The following NPAS3 variants were observed in gnomAD, a reference collection of about 807,000 sequenced individuals.
NPAS3 encodes neuronal PAS domain protein 3, also known as neuronal PAS domain-containing protein 3.
A neutral mutation model predicts 73.1 loss-of-function variants in NPAS3; 14 were observed. That is an observed-to-expected ratio of 0.19 (90% CI 0.13 to 0.30). The LOEUF is 0.30. Ranked by LOEUF, NPAS3 falls within the 10% of genes least tolerant of loss-of-function variation. NPAS3 has a pLI of 1.00. For synonymous variants in NPAS3, 620 were observed against 541.5 expected, an observed-to-expected ratio of 1.14 and a Z score of -2.01; for missense variants, 1,096 against 1,250.0, an observed-to-expected ratio of 0.88 and a Z score of 1.86.
At chr14:33,591,292 G>A (rs139726604) in intron 5 of NPAS3, among the ~76,000 whole-genome samples, 3 of 152,232 alleles carry the variant, frequency 2.0e-5, no homozygotes, top group East Asian at 1.9e-4. Context: ...GACTTAAACT[G>A]TCTGCCAATG....
intron 2 of NPAS3, among the ~76,000 whole-genome samples, chr14:33,176,992 G>A (rs2045610228): frequency 6.6e-6 from 1 of 150,998 alleles, no homozygotes; most frequent in African/African-American, 2.4e-5. Context: ...CTTTTTCATG[G>A]GCTTACTGGC....
intron 4 of NPAS3, among the ~76,000 whole-genome samples, chr14:33,492,241 C>G (rs992966989): frequency 6.6e-6 from 1 of 152,050 alleles, no homozygotes. Context: ...GTTAACACCC[C>G]CACTGTGGTA....
chr14:33,768,947 A>AT (rs2138422395), intron 7 of NPAS3, among the ~76,000 whole-genome samples: 1 of 152,298 alleles, frequency 6.6e-6, no homozygotes, highest in South Asian at 2.1e-4. Flanking sequence ...TAGCACTGGG[A>AT]TTGGTGGTGG....
intron 3 of NPAS3, among the ~76,000 whole-genome samples, chr14:33,245,154 AT>A (rs1594492583): frequency 6.6e-6 from 1 of 152,208 alleles, no homozygotes. Context: ...ATTAAAATAT[AT>A]TTTTAGTCAT....
chr14:32,986,851 C>T (rs2038119706), intron 1 of NPAS3, among the ~76,000 whole-genome samples: 1 of 152,094 alleles, frequency 6.6e-6, no homozygotes, highest in Non-Finnish European at 1.5e-5. Flanking sequence ...ATGAATGAGG[C>T]ATGCATTCAT....
At chr14:33,328,441 CTTTTCTTTTTTTTTTTT>C (rs2043811791) in intron 3 of NPAS3, among the ~76,000 whole-genome samples, 3 of 71,998 alleles carry the variant, frequency 4.2e-5, no homozygotes, top group African/African-American at 1.0e-4. Context: ...TTTTCCTTTT[CTTTTCTTTTTTTTTTTT>C]TTTTTTTTTT....
chr14:33,794,886 T>A (rs2063466519), intron 10 of NPAS3, among the ~76,000 whole-genome samples: 1 of 152,098 alleles, frequency 6.6e-6, no homozygotes, highest in Non-Finnish European at 1.5e-5. Context: ...CCTGGCTCCC[T>A]CCCACCCCCA....
intron 4 of NPAS3, among the ~76,000 whole-genome samples, chr14:33,426,133 A>C (rs1329277001): frequency 6.6e-6 from 1 of 152,212 alleles, no homozygotes. Context: ...TCAGCCAGTA[A>C]AGGGACAGAA....
At chr14:33,477,352 A>G (rs945235811) in intron 4 of NPAS3, among the ~76,000 whole-genome samples, 1 of 152,172 alleles carries the variant, frequency 6.6e-6, no homozygotes, top group East Asian at 1.9e-4. Context: ...AGAAGAGGAT[A>G]TGATACAGGG....
At chr14:33,175,682 A>G (rs772997549) in intron 2 of NPAS3, among the ~76,000 whole-genome samples, 5 of 152,178 alleles carry the variant, frequency 3.3e-5, no homozygotes, top group Non-Finnish European at 5.9e-5. Flanking sequence ...GAAAAAGTAA[A>G]TTTAATTCAT....
At chr14:32,967,437 T>C (rs1310763950) in intron 1 of NPAS3, among the ~76,000 whole-genome samples, 1 of 152,152 alleles carries the variant, frequency 6.6e-6, no homozygotes, top group East Asian at 1.9e-4. Flanking sequence ...TGTCGGGGGT[T>C]GGTGCCCCCA....
At chr14:33,580,106 T>C (rs534913891) in intron 5 of NPAS3, among the ~76,000 whole-genome samples, 2 of 152,332 alleles carry the variant, frequency 1.3e-5, no homozygotes, top group South Asian at 4.1e-4. Context: ...ATAGACTCTC[T>C]GGCTATGGTT....
At chr14:33,351,889 G>A (rs576978556) in intron 3 of NPAS3, among the ~76,000 whole-genome samples, 1 of 152,226 alleles carries the variant, frequency 6.6e-6, no homozygotes, top group Non-Finnish European at 1.5e-5. Context: ...ACACACCGGG[G>A]CCTGTTGGTG....
At chr14:33,623,085 C>A (rs2058123856) in intron 5 of NPAS3, among the ~76,000 whole-genome samples, 1 of 152,122 alleles carries the variant, frequency 6.6e-6, no homozygotes, top group Non-Finnish European at 1.5e-5. Flanking sequence ...AACAACGAGT[C>A]CATGGCCAAA....
At chr14:33,239,710 C>T (rs2048156471) in intron 3 of NPAS3, among the ~76,000 whole-genome samples, 1 of 151,890 alleles carries the variant, frequency 6.6e-6, no homozygotes, top group African/African-American at 2.4e-5. Flanking sequence ...ATTATAGCTG[C>T]ATTTGCCTTG....
At chr14:33,788,519 C>T (rs938990046) in intron 9 of NPAS3, among the ~76,000 whole-genome samples, 3 of 152,148 alleles carry the variant, frequency 2.0e-5, no homozygotes, top group South Asian at 4.1e-4. Flanking sequence ...GATATGTGTT[C>T]TTCATCTCCT....
chr14:33,260,335 T>A (rs1055093440), intron 3 of NPAS3, among the ~76,000 whole-genome samples: 2 of 151,766 alleles, frequency 1.3e-5, no homozygotes. Context: ...CAACTTTTTC[T>A]TCTTTGTTTT....
intron 4 of NPAS3, among the ~76,000 whole-genome samples, chr14:33,544,601 C>T (rs2054693725): frequency 6.6e-6 from 1 of 151,140 alleles, no homozygotes; most frequent in South Asian, 2.1e-4. Context: ...CCACACCCTT[C>T]CACAATCTAG....
intron 4 of NPAS3, among the ~76,000 whole-genome samples, chr14:33,442,847 C>T (rs180867113): frequency 3.9e-5 from 6 of 152,180 alleles, no homozygotes; most frequent in Non-Finnish European, 7.4e-5. Flanking sequence ...GATTTGTTAG[C>T]GTCAGTTAAG....
Sources: allele counts gnomAD v4.1 joint callset (sites outside exome capture counted in the v4.1 genomes callset), GRCh38; gene constraint gnomAD v4.1.1; transcripts MANE v1.5; gene names NCBI Gene and HGNC (gene_info 2026-07-23, HGNC 2026-07-21).